NFX1: variants seen among roughly 807,000 people sequenced by gnomAD.
NFX1 encodes the protein transcriptional repressor NF-X1.
Under a neutral mutation model 137.2 loss-of-function variants are expected in NFX1, and 69 were observed. That is an observed-to-expected ratio of 0.50 (90% CI 0.41 to 0.61). NFX1 has a LOEUF of 0.61. Ranked by LOEUF, NFX1 falls within the 20% of genes least tolerant of loss-of-function variation. The pLI is 0.00. For missense variants in NFX1, 1,167 were observed against 1,391.0 expected (o/e 0.84, Z 2.56); for synonymous variants, 495 against 474.1 (o/e 1.04, Z -0.57).
At chr9:33,363,713 C>T (rs561463711) in intron 19 of NFX1, among the ~76,000 whole-genome samples, 1 of 152,222 alleles carries the variant, frequency 6.6e-6, no homozygotes, top group East Asian at 1.9e-4. Context: ...AGAAAGTCAT[C>T]CCCCATTGAC....
intron 1 of NFX1, among the ~76,000 whole-genome samples, 170 bp downstream of exon 1, chr9:33,290,767 G>A (rs752312227): frequency 9.2e-5 from 14 of 152,264 alleles, no homozygotes; most frequent in Non-Finnish European, 1.5e-4. Context: ...GAAGATCTGT[G>A]TCTTCTTGGA....
chr9:33,351,485 T>C, intron 15 of NFX1, 75 bp from the exon 16 acceptor site: 5 of 1,389,542 alleles, frequency 3.6e-6, no homozygotes, highest in Non-Finnish European at 5.1e-6. Flanking sequence ...AGCTTAGAAA[T>C]GTTTAAAGAG....
At chr9:33,346,975 G>A in intron 14 of NFX1, 63 bp from the exon 15 acceptor site, 2 of 1,330,800 alleles carry the variant, frequency 1.5e-6, no homozygotes, top group African/African-American at 1.4e-5. Context: ...CTTATATGAT[G>A]TATAATGGTT....
At chr9:33,320,894 C>G (rs1300253690) in intron 9 of NFX1, among the ~76,000 whole-genome samples, 1 of 152,038 alleles carries the variant, frequency 6.6e-6, no homozygotes, top group African/African-American at 2.4e-5. Context: ...GTGGGAACAC[C>G]CTACTTAATC....
chr9:33,347,643 A>G (rs1033970181), intron 15 of NFX1: 1 of 377,762 alleles, frequency 2.6e-6, no homozygotes, highest in South Asian at 2.0e-5. Flanking sequence ...AACTAAAAGT[A>G]GATTTACCGT....
At chr9:33,345,163 AAAAAAGAAAAG>A (rs1290851694) in intron 14 of NFX1, among the ~76,000 whole-genome samples, 14 of 118,522 alleles carry the variant, frequency 1.2e-4, no homozygotes, top group Admixed American at 6.4e-4. Context: ...CTCCATCTCA[AAAAAAGAAAAG>A]AAAAAGAAAA....
At chr9:33,332,926 A>T (rs1822862430) in intron 11 of NFX1, among the ~76,000 whole-genome samples, 2 of 152,172 alleles carry the variant, frequency 1.3e-5, no homozygotes, top group African/African-American at 4.8e-5. Context: ...GCTCACTGCA[A>T]CCTCCACCTC....
chr9:33,327,971 T>C (rs920352475), intron 9 of NFX1, among the ~76,000 whole-genome samples: 33 of 152,170 alleles, frequency 2.2e-4, no homozygotes, highest in African/African-American at 6.5e-4. Context: ...AAGTCTACAC[T>C]GGAGATGTGG....
chr9:33,330,794 C>T (rs1325320321), intron 10 of NFX1, among the ~76,000 whole-genome samples: 1 of 152,028 alleles, frequency 6.6e-6, no homozygotes, highest in Non-Finnish European at 1.5e-5. Flanking sequence ...TGAATTTTTG[C>T]AAGTAGAAGT....
intron 11 of NFX1, among the ~76,000 whole-genome samples, chr9:33,337,031 G>A (rs1324480334): frequency 6.6e-6 from 1 of 152,090 alleles, no homozygotes; most frequent in Admixed American, 6.6e-5. Context: ...GAACCCAGGA[G>A]GCGGAGGTTG....
intron 15 of NFX1, among the ~76,000 whole-genome samples, chr9:33,350,119 CAT>C (rs1823582300): frequency 6.6e-6 from 1 of 152,044 alleles, no homozygotes; most frequent in African/African-American, 2.4e-5. Flanking sequence ...GCCTGGCCAA[CAT>C]AGTGAAACCC....
Position 33,367,571 on chromosome 9 carries a change from A to G in NFX1, c.3242A>G (p.Gln1081Arg), listed in dbSNP as rs990413364. ...TLTGVLEREM[Q>R]ARPPPPIPHH... ...ACAGGTGTGCTTGAAAGGGAAATGC[A>G]GGCACGGCCTCCACCACCGATTCCT... The change falls in exon 23 of 24, where the codon CAG (glutamine) becomes CGG (arginine). Residue 1081 changes from glutamine (Q) to arginine (R), a missense_variant. By Grantham distance (43) the Gln-to-Arg change is conservative. Around this residue, in one of 3 missense-constraint regions of NFX1, gnomAD observed 312 missense variants for 312.8 expected, o/e 1.00. Transcript: ENST00000379540. The G allele has an allele frequency of 1.2e-6, 2 of 1,613,828 alleles. No individual in the cohort carries two copies. The highest frequency in any genetic ancestry group is 4.5e-5 in the East Asian group (2 of 44,876).
chr9:33,337,986 T>C (rs1395851962), intron 11 of NFX1, among the ~76,000 whole-genome samples: 1 of 149,362 alleles, frequency 6.7e-6, no homozygotes, highest in Non-Finnish European at 1.5e-5. Flanking sequence ...GAGGTGGAGG[T>C]TGCAGTGAGC....
At chr9:33,363,974 A>G (rs1824092732) in intron 19 of NFX1, 36 bp from the exon 20 acceptor site, 1 of 1,437,758 alleles carries the variant, frequency 7.0e-7, no homozygotes, top group South Asian at 1.3e-5. Flanking sequence ...TTTCCCTCCC[A>G]CTCCTTTTAT....
At chr9:33,356,487 A>G (rs963273397) in intron 19 of NFX1, among the ~76,000 whole-genome samples, 4 of 152,016 alleles carry the variant, frequency 2.6e-5, no homozygotes, top group Non-Finnish European at 5.9e-5. Context: ...TTGTCTTTTG[A>G]TAAACAGAAA....
intron 5 of NFX1, among the ~76,000 whole-genome samples, chr9:33,309,126 G>A (rs190262275): frequency 6.6e-6 from 1 of 152,314 alleles, no homozygotes; most frequent in East Asian, 1.9e-4. Context: ...GGGAGGCCAA[G>A]GCGGGTGGAT....
chr9:33,302,003 T>A, intron 3 of NFX1, among the ~76,000 whole-genome samples: 1 of 152,102 alleles, frequency 6.6e-6, no homozygotes, highest in East Asian at 1.9e-4. Flanking sequence ...ATCCAGGAGG[T>A]GGAGATTGCA....
intron 15 of NFX1, among the ~76,000 whole-genome samples, chr9:33,349,582 C>T (rs953573519): frequency 2.6e-5 from 4 of 151,834 alleles, no homozygotes; most frequent in Non-Finnish European, 4.4e-5. Context: ...TCCCTCATTT[C>T]GAGGGTTCAA....
chr9:33,338,849 T>G (rs550873233), intron 12 of NFX1, among the ~76,000 whole-genome samples: 74 of 152,206 alleles, frequency 4.9e-4, no homozygotes, highest in African/African-American at 1.7e-3. Context: ...AGAGAAGGTC[T>G]CACACCCCAG....
Sources: gnomAD v4.1 joint callset for allele counts (sites outside exome capture counted in the v4.1 genomes callset) on GRCh38, gnomAD v4.1.1 for gene constraint, gnomAD v4.1.1 regional missense constraint, MANE v1.5 for transcripts, NCBI Gene and HGNC (gene_info 2026-07-23, HGNC 2026-07-21) for gene names.